Variants in SCD5 observed in about 807,000 individuals in gnomAD.
SCD5 encodes acyl-CoA-desaturase 4.
In SCD5, 20 loss-of-function variants were observed where a neutral mutation model predicts 30.4. The ratio of observed to expected loss-of-function variants is 0.66; its 90% confidence interval spans 0.46 to 0.96. The LOEUF (loss-of-function observed/expected upper bound fraction) is 0.96, where lower values mean the gene tolerates loss of function less well. Among genes scored for constraint, SCD5 ranks in the 40% least tolerant of loss-of-function variants. The pLI is 0.00. For missense variants in SCD5, 381 were observed against 443.3 expected (o/e 0.86, Z 1.26); for synonymous variants, 173 against 176.4 (o/e 0.98, Z 0.16).
intron 3 of SCD5, chr4:82,660,882 T>G (rs1560526781): frequency 6.2e-7 from 1 of 1,614,086 alleles, no homozygotes; most frequent in East Asian, 2.2e-5. Flanking sequence ...ACCTTCAGAA[T>G]ACCTCCAGGG....
chr4:82,766,554 T>A (rs1721490503), intron 1 of SCD5, among the ~76,000 whole-genome samples: 1 of 152,246 alleles, frequency 6.6e-6, no homozygotes, highest in Admixed American at 6.5e-5. Flanking sequence ...AATTCTTTCA[T>A]AAGTGTCATT....
At chr4:82,789,452 A>C (rs976326725) in intron 1 of SCD5, among the ~76,000 whole-genome samples, 5 of 152,212 alleles carry the variant, frequency 3.3e-5, no homozygotes, top group Non-Finnish European at 7.3e-5. Context: ...TGTCGTTAAA[A>C]TGCAGATAGT....
intron 4 of SCD5, among the ~76,000 whole-genome samples, chr4:82,633,882 T>C (rs1727371055): frequency 6.6e-6 from 1 of 152,134 alleles, no homozygotes; most frequent in African/African-American, 2.4e-5. Context: ...TTTTCATTAC[T>C]CTCCAAAAAG....
rs1451230718 is a variant in SCD5 at position 82,630,324 on chromosome 4, T to C, written c.*1003A>G. 6.6e-6 allele frequency: 1 copy of C among 152,224 alleles called. No homozygotes were observed. Among genetic ancestry groups the C allele is most frequent in the African/African-American group, 2.4e-5 (1 of 41,444 alleles). The allele number at this position is 152,224 out of a possible 1,614,324, so 9.4% of individuals were successfully genotyped here. On this transcript the variant is annotated 3_prime_UTR_variant, in exon 5 of 5. Transcript: ENST00000319540. ...GCCATTTCCTGTATTCTCATTTTTT[T>C]CAGTTTTTGATTCTCTTAAGCAAAC...
intron 3 of SCD5, among the ~76,000 whole-genome samples, chr4:82,651,950 A>G (rs1251887058): frequency 6.6e-6 from 1 of 152,182 alleles, no homozygotes; most frequent in African/African-American, 2.4e-5. Context: ...TGGCTAGGTA[A>G]AAAACAATAA....
At chr4:82,702,064 C>T (rs1436646946) in intron 2 of SCD5, among the ~76,000 whole-genome samples, 2 of 146,370 alleles carry the variant, frequency 1.4e-5, no homozygotes, top group African/African-American at 2.5e-5. Context: ...TGAATACAAG[C>T]GTTCAGGTTC....
intron 1 of SCD5, among the ~76,000 whole-genome samples, chr4:82,765,387 A>G (rs1048834880): frequency 1.6e-4 from 25 of 152,268 alleles, no homozygotes; most frequent in African/African-American, 5.8e-4. Flanking sequence ...CTCTGTCTAT[A>G]GTATACATAG....
chr4:82,700,386 G>T (rs1276558480), intron 2 of SCD5, among the ~76,000 whole-genome samples: 2 of 151,978 alleles, frequency 1.3e-5, no homozygotes, highest in African/African-American at 2.4e-5. Context: ...TAATACTTAG[G>T]TATCATCATA....
chr4:82,736,826 C>G (rs1195991046), intron 1 of SCD5, among the ~76,000 whole-genome samples: 1 of 151,730 alleles, frequency 6.6e-6, no homozygotes, highest in Non-Finnish European at 1.5e-5. Flanking sequence ...CCATGCCCAG[C>G]TAATTTTTTA....
At chr4:82,676,949 T>C (rs1728449743) in intron 3 of SCD5, among the ~76,000 whole-genome samples, 1 of 152,234 alleles carries the variant, frequency 6.6e-6, no homozygotes, top group African/African-American at 2.4e-5. Context: ...GAAGTATAGC[T>C]TGAAATGTGT....
chr4:82,647,967 G>T (rs1377063175), intron 3 of SCD5, among the ~76,000 whole-genome samples: 1 of 152,212 alleles, frequency 6.6e-6, no homozygotes, highest in Non-Finnish European at 1.5e-5. Flanking sequence ...CCTTGATAGT[G>T]AGGAATGTCT....
chr4:82,692,226 C>T (rs1048941857), intron 2 of SCD5: 6 of 156,982 alleles, frequency 3.8e-5, no homozygotes, highest in African/African-American at 1.2e-4. Context: ...TGGACCTGCC[C>T]CAGCTCTACT....
chr4:82,740,966 G>A (rs993131479), intron 1 of SCD5, among the ~76,000 whole-genome samples: 1 of 149,728 alleles, frequency 6.7e-6, no homozygotes, highest in Non-Finnish European at 1.5e-5. Flanking sequence ...ACAGGGTCTC[G>A]CTCTGTCACC....
chr4:82,676,369 G>A (rs2148820220), intron 3 of SCD5, among the ~76,000 whole-genome samples: 1 of 152,266 alleles, frequency 6.6e-6, no homozygotes, highest in South Asian at 2.1e-4. Context: ...ATGGCTCACG[G>A]ATAGGTTCAC....
At position 82,695,691 on chromosome 4, in the gene SCD5, C is replaced by A. The variant is rs1474950000; in HGVS notation, c.363+9592G>T. Among the ~76,000 whole-genome samples, 3 of 152,206 alleles carry A rather than the reference C, an allele frequency of 2.0e-5. 1 individual carries two copies. The East Asian group carries it at 5.8e-4, about 29-fold the overall frequency. On this transcript the variant is annotated intron_variant, in intron 2 of 4. Coordinates refer to ENST00000319540, the MANE Select transcript of SCD5 (RefSeq NM_001037582.3). ...TAACACACTATACCCTGTCAGCTTACTTCTTCAATCTGGGTGATTTTCTAA... is the reference window on the plus strand; with the variant it reads ...TAACACACTATACCCTGTCAGCTTAATTCTTCAATCTGGGTGATTTTCTAA...
intron 1 of SCD5, 65 bp from the exon 2 acceptor site, chr4:82,705,478 T>G: frequency 6.3e-7 from 1 of 1,591,404 alleles, no homozygotes; most frequent in Non-Finnish European, 8.6e-7. Context: ...CCCCCATGCT[T>G]TTTCTCTCCT....
intron 1 of SCD5, among the ~76,000 whole-genome samples, chr4:82,797,412 G>T (rs1363183045): frequency 6.6e-6 from 1 of 152,188 alleles, no homozygotes; most frequent in East Asian, 1.9e-4. Flanking sequence ...GCTGCGAAGT[G>T]GTTCAAAGAT....
intron 3 of SCD5, among the ~76,000 whole-genome samples, chr4:82,651,616 A>T (rs1727751778): frequency 6.6e-6 from 1 of 152,198 alleles, no homozygotes; most frequent in Admixed American, 6.5e-5. Context: ...CGATTGAAAT[A>T]AAAAATTAAA....
intron 1 of SCD5, among the ~76,000 whole-genome samples, chr4:82,711,262 A>AT (rs1054981453): frequency 6.6e-6 from 1 of 151,760 alleles, no homozygotes; most frequent in African/African-American, 2.4e-5. Context: ...GGAGGCAGAG[A>AT]TTTTGCCTCC....
Sources: allele counts gnomAD v4.1 joint callset (sites outside exome capture counted in the v4.1 genomes callset), GRCh38; gene constraint gnomAD v4.1.1; transcripts MANE v1.5; gene names NCBI Gene and HGNC (gene_info 2026-07-23, HGNC 2026-07-21).